The following KIRREL3 variants were observed in gnomAD, a reference collection of about 807,000 sequenced individuals.
The protein encoded by KIRREL3 is kin of IRRE-like protein 3.
KIRREL3 carries 36 observed loss-of-function variants against 89.7 expected under a neutral mutation model. The observed-to-expected ratio is 0.40, with a 90% CI of 0.31 to 0.53. KIRREL3 has a LOEUF of 0.53. Ranked by LOEUF, KIRREL3 falls within the 20% of genes least tolerant of loss-of-function variation. KIRREL3 has a pLI of 0.49. For synonymous variants in KIRREL3, 445 were observed against 441.4 expected, an observed-to-expected ratio of 1.01 and a Z score of -0.10; for missense variants, 864 against 1,056.6, an observed-to-expected ratio of 0.82 and a Z score of 2.53.
At chr11:126,445,178 C>A in intron 9 of KIRREL3, 73 bp from the exon 10 acceptor site, 1 of 1,566,840 alleles carries the variant, frequency 6.4e-7, no homozygotes, top group Non-Finnish European at 8.7e-7. Context: ...AACAAGGCAG[C>A]TGAGAGGCTG....
At chr11:126,442,587 A>G (rs540480186) in intron 10 of KIRREL3, among the ~76,000 whole-genome samples, 3 of 152,332 alleles carry the variant, frequency 2.0e-5, no homozygotes, top group East Asian at 3.9e-4. Context: ...GCTGGCCAGC[A>G]GTTGTCCAAG....
rs1250527250 is a variant in KIRREL3 at position 126,656,764 on chromosome 11, G to T, written c.56-93852C>A. On this transcript the variant is annotated intron_variant, in intron 1 of 16. Transcript: ENST00000525144. The surrounding 1 kb of genome is among the most constrained non-coding windows in gnomAD (Gnocchi z 4.0). Reference sequence around the variant, plus strand: ...TAACCTATCTCTTATGAAAATAAATGAAACTGGCTAGGCGTGGTGGCTCAT... The same window carrying T: ...TAACCTATCTCTTATGAAAATAAATTAAACTGGCTAGGCGTGGTGGCTCAT... Among the ~76,000 whole-genome samples the T allele has an allele frequency of 6.6e-6, 1 of 152,178 alleles. No homozygotes were observed. Among genetic ancestry groups the T allele is most frequent in the East Asian group, 1.9e-4 (1 of 5,196 alleles).
chr11:126,915,407 T>C (rs1019690475), intron 1 of KIRREL3, among the ~76,000 whole-genome samples: 8 of 152,112 alleles, frequency 5.3e-5, no homozygotes, highest in Non-Finnish European at 1.0e-4. Context: ...TGGCTAAGGA[T>C]TAAATCCCCA....
rs371473880 is a variant in KIRREL3, at chr11:126,610,193, C to T, written c.56-47281G>A. On this transcript the variant is annotated intron_variant, in intron 1 of 16. Transcript: ENST00000525144. The surrounding 1 kb of genome is among the most constrained non-coding windows in gnomAD (Gnocchi z 4.6). ...GCAACCTTCGCCTCCCAGGTTCAAG[C>T]GATTCTCCTGCCTCAGCCTGCCGAG... Among the ~76,000 whole-genome samples the T allele has an allele frequency of 2.0e-5, 3 of 152,060 alleles. No homozygotes were observed. Among genetic ancestry groups the T allele is most frequent in the Admixed American group, 6.5e-5 (1 of 15,276 alleles).
intron 1 of KIRREL3, among the ~76,000 whole-genome samples, chr11:126,722,702 A>T (rs1225486121): frequency 1.3e-5 from 2 of 152,250 alleles, no homozygotes; most frequent in African/African-American, 4.8e-5. Flanking sequence ...GCTCTAACTC[A>T]TGCATGTCAT....
At chr11:126,889,566 C>T (rs1402198046) in intron 1 of KIRREL3, among the ~76,000 whole-genome samples, 1 of 152,190 alleles carries the variant, frequency 6.6e-6, no homozygotes, top group Non-Finnish European at 1.5e-5. Flanking sequence ...ATGATTACCA[C>T]TCAAGTCTTG....
rs1478007323 is a variant in KIRREL3 at position 126,814,491 on chromosome 11, C to G, written c.55+185964G>C. Among the ~76,000 whole-genome samples the G allele has an allele frequency of 6.6e-6, 1 of 152,124 alleles. No homozygotes were observed. The highest frequency in any genetic ancestry group is 1.5e-5 in the Non-Finnish European group (1 of 68,036). On this transcript the variant is annotated intron_variant, in intron 1 of 16. Transcript: ENST00000525144. This position sits in a 1 kb window ranked among gnomAD's most constrained non-coding sequence, Gnocchi z 4.4. ...TACATATGTTCATTGCAGCATTATTCACAATAGCAAAGACATGGAATCTAC... is the reference window on the plus strand; with the variant it reads ...TACATATGTTCATTGCAGCATTATTGACAATAGCAAAGACATGGAATCTAC...
At position 126,906,572 on chromosome 11, in the gene KIRREL3, C is replaced by T. The variant is rs79067986; in HGVS notation, c.55+93883G>A. Reference sequence around the variant, plus strand: ...GGGACCCCCCTGCCATGAAAAACAGCGTTGTTTTTTGTTTTTGTTTTTGCT... The same window carrying T: ...GGGACCCCCCTGCCATGAAAAACAGTGTTGTTTTTTGTTTTTGTTTTTGCT... On this transcript the variant is annotated intron_variant, in intron 1 of 16. Coordinates refer to ENST00000525144, the MANE Select transcript of KIRREL3 (RefSeq NM_032531.4). This position sits in a 1 kb window ranked among gnomAD's most constrained non-coding sequence, Gnocchi z 4.1. Among the ~76,000 whole-genome samples, 1,421 of 151,064 alleles carry T rather than the reference C, an allele frequency of 9.4e-3. 21 individuals are homozygous for T. The highest frequency in any genetic ancestry group is 0.031 in the African/African-American group (1,305 of 41,458).
chr11:126,949,566 C>T (rs964661956), intron 1 of KIRREL3, among the ~76,000 whole-genome samples: 15 of 152,190 alleles, frequency 9.9e-5, no homozygotes, highest in Admixed American at 5.2e-4. Context: ...CCTTGGAGAT[C>T]AGAAGCTGAG....
chr11:126,932,306 G>A (rs1267545771), intron 1 of KIRREL3, among the ~76,000 whole-genome samples: 1 of 152,164 alleles, frequency 6.6e-6, no homozygotes, highest in East Asian at 1.9e-4. Flanking sequence ...AGTCTGCTTA[G>A]CCTCACACAC....
At chr11:126,699,373 G>A (rs1421216723) in intron 1 of KIRREL3, among the ~76,000 whole-genome samples, 1 of 152,208 alleles carries the variant, frequency 6.6e-6, no homozygotes, top group Non-Finnish European at 1.5e-5. Context: ...GTTCCCACAA[G>A]GTGCAGTAAA....
intron 1 of KIRREL3, among the ~76,000 whole-genome samples, chr11:126,986,450 T>C (rs933599609): frequency 2.0e-5 from 3 of 152,188 alleles, no homozygotes; most frequent in Non-Finnish European, 2.9e-5. Flanking sequence ...ATCTATCCTT[T>C]ATGGACAAGA....
Position 126,477,349 on chromosome 11 carries a change from C to T in KIRREL3, c.434-3883G>A, listed in dbSNP as rs1565485913. Among the ~76,000 whole-genome samples, 1 of 152,194 alleles carries T rather than the reference C, an allele frequency of 6.6e-6. No individual in the cohort carries two copies. The highest frequency in any genetic ancestry group is 2.4e-5 in the African/African-American group (1 of 41,460). ...TGTTTGGGTGGGCGGTGGGGGTACC[C>T]GTCCCTTTCCCTGTGTGTGGGAGGG... On this transcript the variant is annotated intron_variant, in intron 4 of 16. Coordinates refer to ENST00000525144, the MANE Select transcript of KIRREL3 (RefSeq NM_032531.4). This position sits in a 1 kb window ranked among gnomAD's most constrained non-coding sequence, Gnocchi z 4.8.
chr11:126,663,342 C>T (rs1428540740), intron 1 of KIRREL3, among the ~76,000 whole-genome samples: 2 of 151,878 alleles, frequency 1.3e-5, no homozygotes, highest in Admixed American at 6.6e-5. Flanking sequence ...CATGCCACCA[C>T]ACCCGGCTAA....
At position 126,876,564 on chromosome 11, in the gene KIRREL3, G is replaced by A. The variant is rs193061408; in HGVS notation, c.55+123891C>T. Among the ~76,000 whole-genome samples the A allele has an allele frequency of 6.9e-6, 1 of 144,612 alleles. No individual in the cohort carries two copies. The highest frequency in any genetic ancestry group is 1.5e-5 in the Non-Finnish European group (1 of 66,818). 94.9% of individuals were successfully genotyped at this position (144,612 alleles called of 152,430 possible). A position where few individuals can be genotyped will look rare whatever the true frequency, so the allele number is the denominator to read the frequency against. ...TTTTTTTTTTTTTTTTTGAGATGGA[G>A]TCTTGCTCTGTCACCCAGGCTGGAG... On this transcript the variant is annotated intron_variant, in intron 1 of 16. Transcript: ENST00000525144. This position sits in a 1 kb window ranked among gnomAD's most constrained non-coding sequence, Gnocchi z 4.1.
At position 126,484,772 on chromosome 11, in the gene KIRREL3, T is replaced by C. The variant is rs1957306803; in HGVS notation, c.434-11306A>G. 6.6e-6 allele frequency among the ~76,000 whole-genome samples: 1 copy of C among 152,108 alleles called. No homozygotes were observed. Among genetic ancestry groups the C allele is most frequent in the African/African-American group, 2.4e-5 (1 of 41,422 alleles). ...TCTTCAGACCCTCCCCGCCTCCACT[T>C]AGGTCTATATTAAGAAGATGTGGGG... is the stretch of plus-strand genomic sequence containing the variant. On this transcript the variant is annotated intron_variant, in intron 4 of 16. Coordinates refer to ENST00000525144, the MANE Select transcript of KIRREL3 (RefSeq NM_032531.4). The surrounding 1 kb of genome is among the most constrained non-coding windows in gnomAD (Gnocchi z 5.2).
In KIRREL3 at chr11:126,904,353, A is replaced by AT. The variant is rs1946491924; in HGVS notation, c.55+96101dup. Among the ~76,000 whole-genome samples the AT allele has an allele frequency of 6.6e-6, 1 of 152,182 alleles. No homozygotes were observed. Among genetic ancestry groups the AT allele is most frequent in the Admixed American group, 6.5e-5 (1 of 15,278 alleles). On this transcript the variant is annotated intron_variant, in intron 1 of 16. Coordinates refer to ENST00000525144, the MANE Select transcript of KIRREL3 (RefSeq NM_032531.4). The surrounding 1 kb of genome is among the most constrained non-coding windows in gnomAD (Gnocchi z 4.4). ...ACTCATGATTATTTGCTATTTTGCC[A>AT]TTGCTAGTTAAATTGGGTCTTGATG...
chr11:126,698,351 C>T (rs186644585), intron 1 of KIRREL3, among the ~76,000 whole-genome samples: 1 of 152,186 alleles, frequency 6.6e-6, no homozygotes, highest in Non-Finnish European at 1.5e-5. Flanking sequence ...CTCTCCCAGG[C>T]CTGCTAAGAC....
Position 126,844,100 on chromosome 11 carries a change from G to A in KIRREL3, c.55+156355C>T, listed in dbSNP as rs1233080568. ...CGAGATCCAAGAACCCTCTTTTGGA[G>A]TCTGGATGGGGACCCCTTTCCAGTA... On this transcript the variant is annotated intron_variant, in intron 1 of 16. Coordinates refer to ENST00000525144, the MANE Select transcript of KIRREL3 (RefSeq NM_032531.4). The surrounding 1 kb of genome is among the most constrained non-coding windows in gnomAD (Gnocchi z 4.8). Among the ~76,000 whole-genome samples the A allele has an allele frequency of 6.6e-6, 1 of 152,150 alleles. No homozygotes were observed. The highest frequency in any genetic ancestry group is 2.1e-4 in the South Asian group (1 of 4,824).
Sources: gnomAD v4.1 joint callset for allele counts (sites outside exome capture counted in the v4.1 genomes callset) on GRCh38, gnomAD v4.1.1 for gene constraint, Gnocchi (gnomAD v3.1) non-coding constraint, MANE v1.5 for transcripts, NCBI Gene and HGNC (gene_info 2026-07-23, HGNC 2026-07-21) for gene names.